Variants in SLC12A7 observed in about 807,000 individuals in gnomAD.
SLC12A7 encodes the protein solute carrier family 12 member 7, also known as K-Cl cotransporter 4.
Under a neutral mutation model 120.6 loss-of-function variants are expected in SLC12A7, and 100 were observed. The ratio of observed to expected loss-of-function variants is 0.83; its 90% CI spans 0.71 to 0.98. SLC12A7 has a LOEUF of 0.98. Ranked by LOEUF, SLC12A7 falls within the 50% of genes least tolerant of loss-of-function variation. The pLI is 0.00. For missense variants in SLC12A7, 1,373 were observed against 1,548.1 expected (o/e 0.89, Z 1.90); for synonymous variants, 760 against 678.0 (o/e 1.12, Z -1.88).
At position 1,103,223 on chromosome 5, in the gene SLC12A7, G is replaced by A. The variant is rs1742182434; in HGVS notation, c.124+8645C>T. Among the ~76,000 whole-genome samples, 4 of 152,234 alleles carry A rather than the reference G, an allele frequency of 2.6e-5. No homozygotes were observed. The East Asian group carries it at 7.8e-4, about 30-fold the overall frequency. On this transcript the variant is annotated intron_variant, in intron 1 of 23. Transcript: ENST00000264930. ...TGGCTAAAGCAGCGCTGCCTTCTGA[G>A]GGAAAAACAGGCCCTTCATCACCCA...
rs199988944 is a variant in SLC12A7 at position 1,096,669 on chromosome 5, GA to G, written c.125-2422del. ...GCAGCTATTCTTAGAGGGAGGGAGGGAAGGAAGAAAGGAGGGAGGGGGGAAG... is the reference window on the plus strand; with the variant it reads ...GCAGCTATTCTTAGAGGGAGGGAGGGAGGAAGAAAGGAGGGAGGGGGGAAG... On this transcript the variant is annotated intron_variant, in intron 1 of 23. Transcript: ENST00000264930. 2.2e-3 allele frequency among the ~76,000 whole-genome samples: 290 copies of G among 131,448 alleles called. 4 individuals are homozygous for G. Among genetic ancestry groups the G allele is most frequent in the African/African-American group, 8.6e-3 (277 of 32,374 alleles). The allele number at this position is 131,448 out of a possible 152,430, so 86.2% of individuals were successfully genotyped here.
intron 17 of SLC12A7, among the ~76,000 whole-genome samples, chr5:1,065,950 G>A (rs1579336137): frequency 6.6e-6 from 1 of 152,266 alleles, no homozygotes; most frequent in Non-Finnish European, 1.5e-5. Flanking sequence ...GGACTGCCGT[G>A]TGGTCTCCTC....
In SLC12A7 at chr5:1,107,521, T is replaced by C. The variant is rs1033466069; in HGVS notation, c.124+4347A>G. Among the ~76,000 whole-genome samples the C allele has an allele frequency of 2.0e-5, 3 of 152,164 alleles. No individual in the cohort carries two copies. In the South Asian group the frequency reaches 6.2e-4, roughly 31 times the overall value. On this transcript the variant is annotated intron_variant, in intron 1 of 23. Transcript: ENST00000264930. ...TCAGGGTCCCTCAGGTGCCTCTGCT[T>C]GACTCCAGCCACCACCTGGCAAGGT...
At chr5:1,120,901 C>T in the SLC12A7 span, among the ~76,000 whole-genome samples, 560 of 152,342 alleles carry the variant, frequency 3.7e-3, 3 homozygotes, top group South Asian at 0.021. Flanking sequence ...GGAACGGCCA[C>T]GCTTCGACGC....
At position 1,085,687 on chromosome 5, in the gene SLC12A7, C is replaced by T. The variant is rs112210800; in HGVS notation, c.676-214G>A. On this transcript the variant is annotated intron_variant, in intron 6 of 23. Coordinates refer to ENST00000264930, the MANE Select transcript of SLC12A7 (RefSeq NM_006598.3). ...GCGCACAGGCGAGGGACGGAGCCCGCGGGGGTCAGCGCACAGGCGAGGGAC... is the reference window on the plus strand; with the variant it reads ...GCGCACAGGCGAGGGACGGAGCCCGTGGGGGTCAGCGCACAGGCGAGGGAC... Among the ~76,000 whole-genome samples the T allele has an allele frequency of 6.5e-3, 947 of 146,454 alleles. 2 individuals carry two copies. The highest frequency in any genetic ancestry group is 0.024 in the African/African-American group (893 of 37,922).
At chr5:1,091,704 A>G (rs1321522836) in intron 3 of SLC12A7, among the ~76,000 whole-genome samples, 1 of 147,962 alleles carries the variant, frequency 6.8e-6, no homozygotes, top group Non-Finnish European at 1.5e-5. Context: ...AGCCCGGCAC[A>G]CCACCACCCA....
the SLC12A7 span, among the ~76,000 whole-genome samples, chr5:1,140,929 G>A: frequency 1.3e-5 from 2 of 152,252 alleles, no homozygotes; most frequent in South Asian, 4.1e-4. Flanking sequence ...GTTGGGGGCT[G>A]CAGCCAAGGT....
chr5:1,100,834 A>G (rs1741945809), intron 1 of SLC12A7, among the ~76,000 whole-genome samples: 1 of 152,212 alleles, frequency 6.6e-6, no homozygotes, highest in African/African-American at 2.4e-5. Context: ...AGCCAAGAGG[A>G]GCCCGAGGCA....
upstream of SLC12A7, chr5:1,112,178 C>T (rs1579452378): frequency 1.6e-6 from 1 of 623,648 alleles, no homozygotes; most frequent in African/African-American, 1.9e-5. Context: ...CCTGCAGGGA[C>T]CCCAACCCAG....
At chr5:1,077,512 G>GTGGC (rs1312406336) in intron 12 of SLC12A7, among the ~76,000 whole-genome samples, 4 of 152,216 alleles carry the variant, frequency 2.6e-5, no homozygotes, top group Non-Finnish European at 4.4e-5. Context: ...AGAGAAAGAT[G>GTGGC]TGGCAGGCAG....
chr5:1,143,192 C>T, the SLC12A7 span, among the ~76,000 whole-genome samples: 13 of 152,222 alleles, frequency 8.5e-5, no homozygotes, highest in African/African-American at 3.1e-4. Flanking sequence ...CCGGAGCTTC[C>T]CGACATCCCG....
the SLC12A7 span, among the ~76,000 whole-genome samples, chr5:1,119,067 G>A: frequency 6.6e-6 from 1 of 152,250 alleles, no homozygotes; most frequent in African/African-American, 2.4e-5. Context: ...CATCTGGTGT[G>A]CTCACCCTCA....
chr5:1,081,058 A>G, intron 9 of SLC12A7, among the ~76,000 whole-genome samples: 1 of 15,406 alleles, frequency 6.5e-5, no homozygotes, highest in South Asian at 0.019. Flanking sequence ...GAAGAGGGAG[A>G]CAGAGAGAGA....
chr5:1,058,556 A>G (rs1350663033), intron 21 of SLC12A7, among the ~76,000 whole-genome samples: 1 of 152,234 alleles, frequency 6.6e-6, no homozygotes, highest in African/African-American at 2.4e-5. Flanking sequence ...GTGATTTTAA[A>G]AAGCCAAAGG....
chr5:1,060,761 G>A (rs1316412756), intron 20 of SLC12A7, among the ~76,000 whole-genome samples: 8 of 152,184 alleles, frequency 5.3e-5, no homozygotes, highest in Admixed American at 2.0e-4. Context: ...GGCTCAGGGC[G>A]AGGCACTGCC....
intron 5 of SLC12A7, among the ~76,000 whole-genome samples, chr5:1,087,867 T>C (rs191193567): frequency 3.3e-5 from 5 of 152,380 alleles, no homozygotes; most frequent in Admixed American, 6.5e-5. Context: ...TACTAATTAA[T>C]ATCATCTCGG....
rs1734923333 is a variant in SLC12A7, at chr5:1,050,420, GAC to G, written c.*1938_*1939del. 1 of 156,402 alleles carries G rather than the reference GAC, an allele frequency of 6.4e-6. No individual in the cohort carries two copies. The highest frequency in any genetic ancestry group is 2.5e-5 in the African/African-American group (1 of 40,668). The allele number at this position is 156,402 out of a possible 1,614,324, so 9.7% of individuals were successfully genotyped here. On this transcript the variant is annotated 3_prime_UTR_variant, in exon 24 of 24. Transcript: ENST00000264930. ...AGGATTTTATTTTTCTACTAACACA[GAC>G]AGACAGGGAAACCTACAAAAGGAAA...
chr5:1,142,319 CT>C, the SLC12A7 span, among the ~76,000 whole-genome samples: 1 of 105,794 alleles, frequency 9.5e-6, no homozygotes, highest in African/African-American at 3.8e-5. Context: ...CGTCTCCCCT[CT>C]CCCCTCTCTC....
chr5:1,092,039 G>A (rs761561352), intron 3 of SLC12A7, among the ~76,000 whole-genome samples: 1 of 152,204 alleles, frequency 6.6e-6, no homozygotes, highest in African/African-American at 2.4e-5. Flanking sequence ...AACAGCCAGG[G>A]CTGAGGGCCC....
Sources: gnomAD v4.1 joint callset for allele counts (sites outside exome capture counted in the v4.1 genomes callset) on GRCh38, gnomAD v4.1.1 for gene constraint, MANE v1.5 for transcripts, NCBI Gene and HGNC (gene_info 2026-07-23, HGNC 2026-07-21) for gene names.